The following TRIM26 variants were observed in gnomAD, a reference collection of about 807,000 sequenced individuals.
TRIM26 encodes tripartite motif-containing protein 26.
TRIM26 carries 16 observed loss-of-function variants against 45.5 expected under a neutral mutation model. The observed-to-expected ratio is 0.35, with a 90% confidence interval of 0.24 to 0.53. The LOEUF is 0.53. Ranked by LOEUF, TRIM26 falls within the 20% of genes least tolerant of loss-of-function variation. The probability of loss-of-function intolerance (pLI) is 0.92; values close to 1 mark genes in which losing one functional copy is unlikely to be tolerated. For synonymous variants in TRIM26, 273 were observed against 290.4 expected, an observed-to-expected ratio of 0.94 and a Z score of 0.61; for missense variants, 442 against 691.1, an observed-to-expected ratio of 0.64 and a Z score of 4.04.
In TRIM26 at chr6:30,185,744, G is replaced by A. The variant is rs181867161; in HGVS notation, c.*132C>T. On this transcript the variant is annotated 3_prime_UTR_variant, in exon 10 of 10. Transcript: ENST00000454678. The surrounding 1 kb of genome is among the most constrained non-coding windows in gnomAD (Gnocchi z 5.7). ...TTTCAGGGGGCCACAGCAATGGGGA[G>A]GTGGCTACCAGTGGATATGGGGTCC... is the stretch of plus-strand genomic sequence containing the variant. The A allele has an allele frequency of 2.1e-3, 1,999 of 972,772 alleles. 4 individuals are homozygous for A. The highest frequency in any genetic ancestry group is 3.4e-3 in the Admixed American group (120 of 35,146). 60.3% of individuals were successfully genotyped at this position (972,772 alleles called of 1,614,324 possible).
In TRIM26 at chr6:30,198,386, A is replaced by C. The variant is rs757122757; in HGVS notation, c.534+43T>G. 1.2e-6 allele frequency: 2 copies of C among 1,608,110 alleles called. No individual in the cohort carries two copies. The highest frequency in any genetic ancestry group is 2.7e-5 in the African/African-American group (2 of 74,776). On this transcript the variant is annotated intron_variant, in intron 5 of 9. Coordinates refer to ENST00000454678, the MANE Select transcript of TRIM26 (RefSeq NM_003449.5). This position sits in a 1 kb window ranked among gnomAD's most constrained non-coding sequence, Gnocchi z 6.3. ...CTTGCCCAGGCTCACCCTGCCCTACACGGGCGCACCGCCTCAGGGCTTCCT... is the reference window on the plus strand; with the variant it reads ...CTTGCCCAGGCTCACCCTGCCCTACCCGGGCGCACCGCCTCAGGGCTTCCT...
In TRIM26 at chr6:30,190,614, T is replaced by C. The variant is rs1223053287; in HGVS notation, c.766-579A>G. Among the ~76,000 whole-genome samples the C allele has an allele frequency of 6.6e-6, 1 of 152,152 alleles. No homozygotes were observed. The highest frequency in any genetic ancestry group is 1.5e-5 in the Non-Finnish European group (1 of 68,016). ...ATTTTCCAGATCCCCTACGACAAGG[T>C]CTGGTCATGAGACTAAGTTCCAGCC... On this transcript the variant is annotated intron_variant, in intron 6 of 9. Coordinates refer to ENST00000454678, the MANE Select transcript of TRIM26 (RefSeq NM_003449.5). The surrounding 1 kb of genome is among the most constrained non-coding windows in gnomAD (Gnocchi z 4.3).
Position 30,198,114 on chromosome 6 carries a change from T to G in TRIM26, c.534+315A>C, listed in dbSNP as rs143484649. Among the ~76,000 whole-genome samples, 51 of 152,328 alleles carry G rather than the reference T, an allele frequency of 3.3e-4. 1 individual carries two copies. In the East Asian group the frequency reaches 9.8e-3, roughly 29 times the overall value. On this transcript the variant is annotated intron_variant, in intron 5 of 9. Transcript: ENST00000454678. This position sits in a 1 kb window ranked among gnomAD's most constrained non-coding sequence, Gnocchi z 6.3. ...AAGGAAGAATGAAGCCACACCTTCT[T>G]CAGTCCCCTGGCAGAAGAGAACCAG... is the stretch of plus-strand genomic sequence containing the variant.
In TRIM26 at chr6:30,207,649, A is replaced by G. The variant is rs1344821874; in HGVS notation, c.-375-2884T>C. Among the ~76,000 whole-genome samples, 1 of 152,146 alleles carries G rather than the reference A, an allele frequency of 6.6e-6. No individual in the cohort carries two copies. Among genetic ancestry groups the G allele is most frequent in the Admixed American group, 6.5e-5 (1 of 15,282 alleles). Reference sequence around the variant, plus strand: ...CTTTCTTCTGTGAGGAGGCTGTCCCAGGAGATCCTAGCTGGATTCCCAGAT... The same window carrying G: ...CTTTCTTCTGTGAGGAGGCTGTCCCGGGAGATCCTAGCTGGATTCCCAGAT... On this transcript the variant is annotated intron_variant, in intron 1 of 9. Transcript: ENST00000454678. This position sits in a 1 kb window ranked among gnomAD's most constrained non-coding sequence, Gnocchi z 4.9.
intron 6 of TRIM26, among the ~76,000 whole-genome samples, chr6:30,195,354 G>C (rs895050399): frequency 6.6e-6 from 1 of 152,254 alleles, no homozygotes; most frequent in East Asian, 1.9e-4. Context: ...ATGACATCTG[G>C]AGGAAAAGAG....
rs896799976 is a variant in TRIM26, at chr6:30,184,616, C to T, written c.*1260G>A. The T allele has an allele frequency of 6.6e-6, 1 of 152,670 alleles. No individual in the cohort carries two copies. The highest frequency in any genetic ancestry group is 1.5e-5 in the Non-Finnish European group (1 of 68,056). 9.5% of individuals were successfully genotyped at this position (152,670 alleles called of 1,614,324 possible). On this transcript the variant is annotated 3_prime_UTR_variant, in exon 10 of 10. Transcript: ENST00000454678. ...TGTGACTCAGGCAGCATGTGACACA[C>T]ACAAAGTGGGCAGCTCTGAGACAAT...
chr6:30,199,676 G>C (rs1025850776), intron 3 of TRIM26, among the ~76,000 whole-genome samples: 3 of 142,516 alleles, frequency 2.1e-5, no homozygotes, highest in South Asian at 2.2e-4. Context: ...TTACTCTGTC[G>C]CCCAGGCTGG....
Position 30,186,338 on chromosome 6 carries a change from C to T in TRIM26, c.1158G>A (p.Gly386=). 6.2e-7 allele frequency: 1 copy of T among 1,612,300 alleles called. No individual in the cohort carries two copies. Among genetic ancestry groups the T allele is most frequent in the Non-Finnish European group, 8.5e-7 (1 of 1,179,324 alleles). The change falls in exon 10 of 10, where the codon GGG becomes GGA. Residue 386 remains glycine, a synonymous_variant. Transcript: ENST00000454678. This position sits in a 1 kb window ranked among gnomAD's most constrained non-coding sequence, Gnocchi z 7.4. ...REGWSEDEEE[G]DEEEEGEEEE... ...CCTCTTCTCCCTCTTCCTCCTCATC[C>T]CCCTCTTCTTCATCCTCAGACCAGC...
chr6:30,212,805 CT>C (rs1336899055), intron 1 of TRIM26, among the ~76,000 whole-genome samples: 2 of 150,538 alleles, frequency 1.3e-5, no homozygotes, highest in African/African-American at 4.9e-5. Context: ...TAAATTTACA[CT>C]TTTTTTCTAA....
Position 30,198,364 on chromosome 6 carries a change from G to A in TRIM26, c.534+65C>T, listed in dbSNP as rs2127509480. ...AACACCTCCCAGCTGCCGCCTACTT[G>A]CCCAGGCTCACCCTGCCCTACACGG... is the stretch of plus-strand genomic sequence containing the variant. On this transcript the variant is annotated intron_variant, in intron 5 of 9. Transcript: ENST00000454678. This position sits in a 1 kb window ranked among gnomAD's most constrained non-coding sequence, Gnocchi z 6.3. 1 of 1,577,110 alleles carries A rather than the reference G, an allele frequency of 6.3e-7. No individual in the cohort carries two copies. The highest frequency in any genetic ancestry group is 1.1e-5 in the South Asian group (1 of 90,208).
chr6:30,194,018 A>G (rs1776216487), intron 6 of TRIM26, among the ~76,000 whole-genome samples: 1 of 152,204 alleles, frequency 6.6e-6, no homozygotes, highest in Non-Finnish European at 1.5e-5. Context: ...CGTTACGGAA[A>G]ACAGTATGAG....
chr6:30,190,108 T>G lies in TRIM26; in HGVS notation c.766-73A>C. On this transcript the variant is annotated intron_variant, in intron 6 of 9. Transcript: ENST00000454678. The surrounding 1 kb of genome is among the most constrained non-coding windows in gnomAD (Gnocchi z 4.3). ...ACTTCAATGCATCTGCACCCAACAC[T>G]GTAGCAGAGATGGGACATATCAGTG... 2 of 1,517,446 alleles carry G rather than the reference T, an allele frequency of 1.3e-6. No homozygotes were observed. The highest frequency in any genetic ancestry group is 1.8e-6 in the Non-Finnish European group (2 of 1,096,634). The allele number at this position is 1,517,446 out of a possible 1,614,324, so 94.0% of individuals were successfully genotyped here.
In TRIM26 at chr6:30,189,848, T is replaced by C; in HGVS notation, c.788+165A>G. ...CATAAGGAGGAGAGCAAGTCTCCAG[T>C]TCTCAATGATGTGTCCTGCTCCTCA... On this transcript the variant is annotated intron_variant, in intron 7 of 9. Transcript: ENST00000454678. The surrounding 1 kb of genome is among the most constrained non-coding windows in gnomAD (Gnocchi z 5.0). The C allele has an allele frequency of 1.3e-6, 1 of 791,218 alleles. No individual in the cohort carries two copies. Among genetic ancestry groups the C allele is most frequent in the Non-Finnish European group, 2.1e-6 (1 of 487,254 alleles). 49.0% of individuals were successfully genotyped at this position (791,218 alleles called of 1,614,324 possible).
intron 1 of TRIM26, among the ~76,000 whole-genome samples, chr6:30,205,743 G>A (rs1777662556): frequency 1.3e-5 from 2 of 152,196 alleles, no homozygotes; most frequent in East Asian, 3.9e-4. Flanking sequence ...TTAGGAAGTT[G>A]AGGCAGGAGG....
At position 30,196,498 on chromosome 6, in the gene TRIM26, C is replaced by T; in HGVS notation, c.765+18G>A. 4 of 1,601,784 alleles carry T rather than the reference C, an allele frequency of 2.5e-6. No individual in the cohort carries two copies. Among genetic ancestry groups the T allele is most frequent in the Non-Finnish European group, 3.4e-6 (4 of 1,178,234 alleles). ...ACCGTCCTGGTCCCTGGCGCCCTGC[C>T]CAGGGACGGCCTCTCACCTGCATGA... On this transcript the variant is annotated intron_variant, in intron 6 of 9. Coordinates refer to ENST00000454678, the MANE Select transcript of TRIM26 (RefSeq NM_003449.5). The surrounding 1 kb of genome is among the most constrained non-coding windows in gnomAD (Gnocchi z 4.9).
Position 30,186,780 on chromosome 6 carries a change from T to C in TRIM26, c.938-222A>G, listed in dbSNP as rs534784585. The stretch of plus-strand genomic sequence containing the variant: ...ACTAAACTGCTTTATAAACATGATA[T>C]ACTGAAATTTAACTTGACTGTTTTC... On this transcript the variant is annotated intron_variant, in intron 9 of 9. Coordinates refer to ENST00000454678, the MANE Select transcript of TRIM26 (RefSeq NM_003449.5). The surrounding 1 kb of genome is among the most constrained non-coding windows in gnomAD (Gnocchi z 7.4). 1,162 of 1,053,838 alleles carry C rather than the reference T, an allele frequency of 1.1e-3. 1 individual carries two copies. The highest frequency in any genetic ancestry group is 1.5e-3 in the Non-Finnish European group (1,080 of 700,558). The allele number at this position is 1,053,838 out of a possible 1,614,324, so 65.3% of individuals were successfully genotyped here.
intron 6 of TRIM26, among the ~76,000 whole-genome samples, chr6:30,192,284 G>A (rs1367073449): frequency 6.6e-6 from 1 of 152,184 alleles, no homozygotes; most frequent in Non-Finnish European, 1.5e-5. Flanking sequence ...CTAAGAGAGA[G>A]CATCAAGAAA....
rs1407487505 is a variant in TRIM26, at chr6:30,198,405, G to C, written c.534+24C>G. The C allele has an allele frequency of 1.9e-6, 3 of 1,612,360 alleles. No homozygotes were observed. Among genetic ancestry groups the C allele is most frequent in the Non-Finnish European group, 2.5e-6 (3 of 1,179,842 alleles). ...CCCTACACGGGCGCACCGCCTCAGG[G>C]CTTCCTGAAACAGCCTCACTTACCA... On this transcript the variant is annotated intron_variant, in intron 5 of 9. Transcript: ENST00000454678. This position sits in a 1 kb window ranked among gnomAD's most constrained non-coding sequence, Gnocchi z 6.3.
At chr6:30,202,185 A>C (rs1777250904) in intron 2 of TRIM26, among the ~76,000 whole-genome samples, 2 of 152,158 alleles carry the variant, frequency 1.3e-5, no homozygotes, top group Non-Finnish European at 2.9e-5. Context: ...TTCCATGCAA[A>C]ACAGGACACC....
Sources: allele counts gnomAD v4.1 joint callset (sites outside exome capture counted in the v4.1 genomes callset), GRCh38; gene constraint gnomAD v4.1.1; non-coding constraint Gnocchi (gnomAD v3.1); transcripts MANE v1.5; gene names NCBI Gene and HGNC (gene_info 2026-07-23, HGNC 2026-07-21).